CEP295: variants seen among roughly 807,000 people sequenced by gnomAD.
CEP295 encodes centrosomal protein 295.
Under a neutral mutation model 291.6 loss-of-function variants are expected in CEP295, and 190 were observed. That is an observed-to-expected ratio of 0.65 (90% confidence interval 0.58 to 0.73). The LOEUF (loss-of-function observed/expected upper bound fraction) is 0.73. Ranked by LOEUF, CEP295 falls within the 30% of genes least tolerant of loss-of-function variation. The pLI is 0.00. For synonymous variants in CEP295, 993 were observed against 1,038.8 expected, an observed-to-expected ratio of 0.96 and a Z score of 0.85; for missense variants, 2,863 against 2,949.4, an observed-to-expected ratio of 0.97 and a Z score of 0.68.
chr11:93,672,313 A>G (rs190071581), intron 5 of CEP295, among the ~76,000 whole-genome samples: 14 of 152,342 alleles, frequency 9.2e-5, no homozygotes, highest in Admixed American at 9.1e-4. Flanking sequence ...TTAAAGAATG[A>G]AGTTTGTATT....
intron 13 of CEP295, among the ~76,000 whole-genome samples, chr11:93,696,108 C>T (rs1042334660): frequency 1.3e-5 from 2 of 152,008 alleles, no homozygotes; most frequent in South Asian, 2.1e-4. Context: ...CTAATAGATA[C>T]GACCATGGTT....
Position 93,730,082 on chromosome 11 carries a change from AAAGG to A in CEP295, c.7705_7708del (p.Glu2569LysfsTer23). ...ATCAACTAGCTGAAGTGAAACAACA[AAAGG>A]AAGAAAAAACAAAACAAGAAGCTTA... On this transcript the variant is annotated frameshift_variant, in exon 29 of 30. Coordinates refer to ENST00000325212, the MANE Select transcript of CEP295 (RefSeq NM_033395.2). LOFTEE classifies it high-confidence loss of function. 1 of 1,551,180 alleles carries A rather than the reference AAAGG, an allele frequency of 6.4e-7. No homozygotes were observed.
chr11:93,674,715 C>G (rs1950610357), intron 5 of CEP295, among the ~76,000 whole-genome samples: 1 of 152,184 alleles, frequency 6.6e-6, no homozygotes, highest in Non-Finnish European at 1.5e-5. Context: ...CAGAAGACAT[C>G]CAGCAGAAGT....
chr11:93,686,372 A>C (rs955917063), intron 9 of CEP295, among the ~76,000 whole-genome samples: 3 of 151,838 alleles, frequency 2.0e-5, no homozygotes, highest in Admixed American at 2.0e-4. Flanking sequence ...AGTTATTTTC[A>C]TTGGGAGTAT....
chr11:93,691,328 A>G (rs1229182790), intron 10 of CEP295, among the ~76,000 whole-genome samples: 3 of 152,236 alleles, frequency 2.0e-5, no homozygotes, highest in African/African-American at 7.2e-5. Flanking sequence ...TTAAAAACCT[A>G]GTATCCAAAT....
chr11:93,729,438 G>GT lies in CEP295; in HGVS notation c.7308dup (p.Glu2437Ter). On this transcript the variant is annotated frameshift_variant, in exon 26 of 30. Coordinates refer to ENST00000325212, the MANE Select transcript of CEP295 (RefSeq NM_033395.2). LOFTEE classifies it high-confidence loss of function. ...ATGCAACTTTCTTGCCATTAGGTGA[G>GT]TGAGTTTCTGCCTCTTGTATCAGCA... 1 of 1,548,648 alleles carries GT rather than the reference G, an allele frequency of 6.5e-7. No homozygotes were observed. Among genetic ancestry groups the GT allele is most frequent in the Non-Finnish European group, 8.7e-7 (1 of 1,144,064 alleles).
chr11:93,664,609 T>C (rs887780577), intron 1 of CEP295, among the ~76,000 whole-genome samples: 2 of 152,210 alleles, frequency 1.3e-5, no homozygotes, highest in African/African-American at 4.8e-5. Context: ...AATTAACTCA[T>C]TGAGTCATTC....
Position 93,696,960 on chromosome 11 carries a change from C to G in CEP295, c.2048C>G (p.Pro683Arg). The G allele has an allele frequency of 6.4e-7, 1 of 1,551,894 alleles. No homozygotes were observed. The highest frequency in any genetic ancestry group is 8.7e-7 in the Non-Finnish European group (1 of 1,147,044). ...HFQVARQNHF[P>R]QRQVETTETL... ...CAGGTAGCGAGACAAAATCACTTTC[C>G]ACAAAGACAGGTGGAAACAACAGAA... Residue 683 changes from proline to arginine, a missense_variant, in exon 15 of 30, where the codon CCA becomes CGA. Pro to Arg is a moderately radical substitution (Grantham distance 103). Coordinates refer to ENST00000325212, the MANE Select transcript of CEP295 (RefSeq NM_033395.2).
At chr11:93,664,113 A>G (rs1354755673) in intron 1 of CEP295, among the ~76,000 whole-genome samples, 2 of 152,190 alleles carry the variant, frequency 1.3e-5, no homozygotes, top group African/African-American at 4.8e-5. Context: ...TATTATGTCT[A>G]TGAGATTCAT....
chr11:93,683,309 C>T (rs1393632409), intron 7 of CEP295, among the ~76,000 whole-genome samples: 1 of 152,208 alleles, frequency 6.6e-6, no homozygotes, highest in Non-Finnish European at 1.5e-5. Flanking sequence ...TACTTACTAA[C>T]ATAACACTAC....
chr11:93,729,059 T>A, intron 25 of CEP295: 1 of 527,074 alleles, frequency 1.9e-6, no homozygotes, highest in Non-Finnish European at 3.3e-6. Context: ...ACTAATCTTA[T>A]ACACCTAGTG....
At position 93,698,795 on chromosome 11, in the gene CEP295, T is replaced by C. The variant is rs1182626326; in HGVS notation, c.3883T>C (p.Leu1295=). 9 of 1,551,606 alleles carry C rather than the reference T, an allele frequency of 5.8e-6. No individual in the cohort carries two copies. The highest frequency in any genetic ancestry group is 7.0e-6 in the Non-Finnish European group (8 of 1,146,996). ...QTGSSSFIPQ[L]VQLSFTSLAS... The stretch of plus-strand genomic sequence containing the variant: ...TGGTTCATCTTCATTCATACCCCAG[T>C]TGGTACAGCTTTCATTTACTTCGTT... Residue 1295 remains leucine (L), a synonymous_variant, in exon 15 of 30, where the codon TTG becomes CTG. Coordinates refer to ENST00000325212, the MANE Select transcript of CEP295 (RefSeq NM_033395.2).
In CEP295 at chr11:93,699,466, C is replaced by A. The variant is rs769959816; in HGVS notation, c.4554C>A (p.Ala1518=). The A allele has an allele frequency of 3.9e-6, 6 of 1,551,708 alleles. No homozygotes were observed. The highest frequency in any genetic ancestry group is 4.4e-6 in the Non-Finnish European group (5 of 1,146,990). The change falls in exon 15 of 30, where the codon GCC becomes GCA. Residue 1518 remains alanine (A), a synonymous_variant. Transcript: ENST00000325212. ...AGCAGTTAGATACACAGAAGAAAGC[C>A]ATTCGATCTATACAGGAAGTCCAAG... ...LQQQLDTQKK[A]IRSIQEVQEE...
chr11:93,717,521 T>C (rs1953356928), intron 18 of CEP295, among the ~76,000 whole-genome samples: 1 of 152,124 alleles, frequency 6.6e-6, no homozygotes, highest in African/African-American at 2.4e-5. Flanking sequence ...GTAATTAGTA[T>C]TGGATGTTGT....
intron 5 of CEP295, among the ~76,000 whole-genome samples, chr11:93,671,339 T>A (rs1447112838): frequency 2.0e-5 from 3 of 152,224 alleles, no homozygotes; most frequent in Non-Finnish European, 2.9e-5. Context: ...GGGGGTTTTT[T>A]ACTCAATATT....
In CEP295 at chr11:93,699,298, C is replaced by G; in HGVS notation, c.4386C>G (p.His1462Gln). 6.4e-7 allele frequency: 1 copy of G among 1,551,954 alleles called. No homozygotes were observed. The highest frequency in any genetic ancestry group is 8.7e-7 in the Non-Finnish European group (1 of 1,146,968). The change falls in exon 15 of 30, where the codon CAC becomes CAG. Residue 1462 changes from histidine to glutamine, a missense_variant. By Grantham distance (24) the His-to-Gln change is conservative (BLOSUM62 0). This residue lies in a region of CEP295 where 2,295 missense variants were observed against 2,335.7 expected (regional missense o/e 0.98). Coordinates refer to ENST00000325212, the MANE Select transcript of CEP295 (RefSeq NM_033395.2). Reference protein sequence around the residue: ...QQDNLIALEEHLHAQTDFLPS... With the variant: ...QQDNLIALEEQLHAQTDFLPS... The stretch of plus-strand genomic sequence containing the variant: ...ATAATTTGATTGCACTTGAAGAACA[C>G]TTGCATGCACAGACAGATTTCCTTC...
At position 93,667,803 on chromosome 11, in the gene CEP295, A is replaced by C; in HGVS notation, c.305A>C (p.Glu102Ala). 2 of 1,545,234 alleles carry C rather than the reference A, an allele frequency of 1.3e-6. No individual in the cohort carries two copies. Among genetic ancestry groups the C allele is most frequent in the South Asian group, 1.2e-5 (1 of 83,070 alleles). Residue 102 changes from glutamate to alanine, a missense_variant, in exon 3 of 30, where the codon GAA becomes GCA. Around this residue, in one of 3 missense-constraint regions of CEP295, gnomAD observed 554 missense variants for 576.0 expected, o/e 0.96. Coordinates refer to ENST00000325212, the MANE Select transcript of CEP295 (RefSeq NM_033395.2). ...SMGEGHRQAK[E>A]NEPDLDALAQ... is the part of the protein sequence containing the mutation. ...GGAGAGGGACATCGACAGGCCAAAG[A>C]AAATGTGAGTGAGATCTTATTTGAC...
In CEP295 at chr11:93,729,501, C is replaced by T. The variant is rs1354451220; in HGVS notation, c.7370C>T (p.Ser2457Phe). ...GATTATCCAGCTGTATCAGAACTTT[C>T]CATAGAAAAACCAAGGACAGCATCT... ...ASDYPAVSEL[S>F]IEKPRTASTE... The change falls in exon 26 of 30, where the codon TCC (serine) becomes TTC (phenylalanine). Residue 2457 changes from serine (S) to phenylalanine (F), a missense_variant. By Grantham distance (155) the Ser-to-Phe change is radical. Transcript: ENST00000325212. The T allele has an allele frequency of 7.7e-6, 12 of 1,551,872 alleles. No homozygotes were observed. The highest frequency in any genetic ancestry group is 2.4e-5 in the East Asian group (1 of 40,926).
intron 12 of CEP295, among the ~76,000 whole-genome samples, chr11:93,695,018 C>CA (rs1204106624): frequency 6.6e-6 from 1 of 152,080 alleles, no homozygotes; most frequent in Non-Finnish European, 1.5e-5. Context: ...CCATGCCTGA[C>CA]AAAAAAGACA....
Sources: allele counts gnomAD v4.1 joint callset (sites outside exome capture counted in the v4.1 genomes callset), GRCh38; gene constraint gnomAD v4.1.1; regional missense constraint gnomAD v4.1.1; transcripts MANE v1.5; gene names NCBI Gene and HGNC (gene_info 2026-07-23, HGNC 2026-07-21).